SERGEF: variants seen among roughly 807,000 people sequenced by gnomAD.
The protein encoded by SERGEF is secretion regulating guanine nucleotide exchange factor.
SERGEF carries 51 observed loss-of-function variants against 50.0 expected under a neutral mutation model. The ratio of observed to expected loss-of-function variants is 1.02; its 90% CI spans 0.81 to 1.29. SERGEF has a LOEUF of 1.29. Among genes scored for constraint, SERGEF ranks in the 50% most tolerant of loss-of-function variants. The pLI, the probability that SERGEF is intolerant of heterozygous loss-of-function variation, is 0.00. For missense variants in SERGEF, 521 were observed against 557.0 expected, an observed-to-expected ratio of 0.94 and a Z score of 0.65; for synonymous variants, 205 against 212.4, an observed-to-expected ratio of 0.97 and a Z score of 0.30.
chr11:17,801,550 C>CT (rs1204836771), intron 10 of SERGEF, among the ~76,000 whole-genome samples: 1 of 152,178 alleles, frequency 6.6e-6, no homozygotes, highest in African/African-American at 2.4e-5. Context: ...GGAATTAAAA[C>CT]TGATTCCTTG....
chr11:17,940,586 C>G (rs1302463606), intron 9 of SERGEF, among the ~76,000 whole-genome samples: 1 of 152,108 alleles, frequency 6.6e-6, no homozygotes, highest in Non-Finnish European at 1.5e-5. Flanking sequence ...GGTGATCAGT[C>G]TTTTTTTCTC....
intron 9 of SERGEF, among the ~76,000 whole-genome samples, chr11:17,896,727 G>A (rs1851641424): frequency 7.3e-6 from 1 of 136,078 alleles, no homozygotes; most frequent in Admixed American, 7.3e-5. Flanking sequence ...AAGGGTAACG[G>A]AAGGGTAACG....
intron 10 of SERGEF, among the ~76,000 whole-genome samples, chr11:17,875,892 A>G (rs749417973): frequency 6.6e-6 from 1 of 152,212 alleles, no homozygotes; most frequent in Non-Finnish European, 1.5e-5. Flanking sequence ...GAAGGGCTAG[A>G]GTTCAGGGAA....
chr11:17,911,600 C>A (rs576028353), intron 9 of SERGEF, among the ~76,000 whole-genome samples: 2 of 151,592 alleles, frequency 1.3e-5, no homozygotes, highest in Non-Finnish European at 1.5e-5. Context: ...TGATCCTCCC[C>A]GCTCAGCCTC....
At chr11:17,879,953 T>G (rs920175227) in intron 9 of SERGEF, among the ~76,000 whole-genome samples, 2 of 152,230 alleles carry the variant, frequency 1.3e-5, no homozygotes, top group Non-Finnish European at 2.9e-5. Context: ...TCTCTCCTAG[T>G]GAAAACCACT....
intron 5 of SERGEF, chr11:17,999,666 C>A: frequency 2.3e-6 from 1 of 425,560 alleles, no homozygotes; most frequent in Non-Finnish European, 4.7e-6. Context: ...GTCCCCCTCA[C>A]ACACAGACTG....
intron 10 of SERGEF, among the ~76,000 whole-genome samples, chr11:17,794,894 G>A (rs1370559517): frequency 6.6e-6 from 1 of 152,230 alleles, no homozygotes; most frequent in Non-Finnish European, 1.5e-5. Context: ...AAGAACTCCA[G>A]CTGGCGAGAG....
chr11:17,961,057 C>T (rs879637601), intron 8 of SERGEF, among the ~76,000 whole-genome samples: 1 of 152,190 alleles, frequency 6.6e-6, no homozygotes, highest in African/African-American at 2.4e-5. Context: ...CAGCTCTCCC[C>T]AGAAAGGGTG....
At chr11:17,942,792 TAA>T (rs1852585431) in intron 9 of SERGEF, among the ~76,000 whole-genome samples, 1 of 152,180 alleles carries the variant, frequency 6.6e-6, no homozygotes, top group Non-Finnish European at 1.5e-5. Flanking sequence ...TCTAATTTGC[TAA>T]GTTTTTATCA....
At chr11:17,959,175 G>A (rs1852939646) in intron 9 of SERGEF, among the ~76,000 whole-genome samples, 1 of 152,150 alleles carries the variant, frequency 6.6e-6, no homozygotes, top group South Asian at 2.1e-4. Flanking sequence ...GGCCAGCCTT[G>A]TCATTTTCTA....
At chr11:17,846,573 T>C (rs1449899024) in intron 10 of SERGEF, 1 of 396,168 alleles carries the variant, frequency 2.5e-6, no homozygotes, top group African/African-American at 2.1e-5. Flanking sequence ...AGAATGGTAA[T>C]TAAAAAATCA....
At chr11:17,905,861 A>G (rs1052819016) in intron 9 of SERGEF, among the ~76,000 whole-genome samples, 11 of 152,198 alleles carry the variant, frequency 7.2e-5, no homozygotes, top group African/African-American at 2.7e-4. Context: ...AGGAGCTTGG[A>G]TGAGCAGATC....
chr11:17,896,349 C>T (rs766124307), intron 9 of SERGEF, among the ~76,000 whole-genome samples: 25 of 151,936 alleles, frequency 1.6e-4, no homozygotes, highest in Non-Finnish European at 2.8e-4. Flanking sequence ...ATAAAGTATA[C>T]GTACATAAGG....
At chr11:17,995,026 G>A (rs1853806088) in intron 6 of SERGEF, among the ~76,000 whole-genome samples, 1 of 152,116 alleles carries the variant, frequency 6.6e-6, no homozygotes, top group East Asian at 1.9e-4. Flanking sequence ...GCAGAAAAGG[G>A]AGAAGAGGAG....
At chr11:18,002,004 G>A (rs935222134) in intron 4 of SERGEF, 3 of 456,150 alleles carry the variant, frequency 6.6e-6, no homozygotes, top group Non-Finnish European at 1.3e-5. Flanking sequence ...CCAGATGCAG[G>A]CTGAACAGCA....
At chr11:17,901,370 T>C (rs1047765793) in intron 9 of SERGEF, among the ~76,000 whole-genome samples, 2 of 152,202 alleles carry the variant, frequency 1.3e-5, no homozygotes, top group Non-Finnish European at 2.9e-5. Flanking sequence ...TAGCAACTCC[T>C]CTGCTCAAAA....
chr11:17,797,258 C>G (rs1414906796), intron 10 of SERGEF, among the ~76,000 whole-genome samples: 6 of 152,332 alleles, frequency 3.9e-5, no homozygotes, highest in African/African-American at 1.4e-4. Context: ...TCCTGTTACT[C>G]AGAATAAACA....
chr11:17,934,675 T>C (rs913407247), intron 9 of SERGEF, among the ~76,000 whole-genome samples: 6 of 152,216 alleles, frequency 3.9e-5, no homozygotes, highest in Non-Finnish European at 7.3e-5. Flanking sequence ...GTGACATTTG[T>C]ACCTATGGAA....
At chr11:17,920,788 T>C (rs1370251860) in intron 9 of SERGEF, among the ~76,000 whole-genome samples, 1 of 152,200 alleles carries the variant, frequency 6.6e-6, no homozygotes, top group Non-Finnish European at 1.5e-5. Flanking sequence ...GATCCTGAAC[T>C]GCCTGCAGAC....
Sources: allele counts gnomAD v4.1 joint callset (sites outside exome capture counted in the v4.1 genomes callset), GRCh38; gene constraint gnomAD v4.1.1; transcripts MANE v1.5; gene names NCBI Gene and HGNC (gene_info 2026-07-23, HGNC 2026-07-21).